The following NELFCD variants were observed in gnomAD, a reference collection of about 807,000 sequenced individuals.
The protein encoded by NELFCD is negative elongation factor C/D.
Under a neutral mutation model 72.9 loss-of-function variants are expected in NELFCD, and 48 were observed. The ratio of observed to expected loss-of-function variants is 0.66; its 90% CI spans 0.52 to 0.84. The LOEUF is 0.84. Ranked by LOEUF, NELFCD falls within the 40% of genes least tolerant of loss-of-function variation. NELFCD has a pLI of 0.00. For synonymous variants in NELFCD, 297 were observed against 280.6 expected (o/e 1.06, Z -0.59); for missense variants, 538 against 723.8 (o/e 0.74, Z 2.94).
rs756235497 is a variant in NELFCD at position 58,994,608 on chromosome 20, G to T, written c.1712-34G>T. ...AAGAAAATGTCATGTTCTACTTCCT[G>T]TTTCTAACACAGTCACTGTTTTCCT... On this transcript the variant is annotated intron_variant, in intron 14 of 14. Transcript: ENST00000652272. 2.3e-5 allele frequency: 33 copies of T among 1,453,208 alleles called. 1 individual carries two copies. The South Asian group carries it at 3.5e-4, about 15-fold the overall frequency. The allele number at this position is 1,453,208 out of a possible 1,614,324, so 90.0% of individuals were successfully genotyped here. A position where few individuals can be genotyped will look rare whatever the true frequency, so the allele number is the denominator to read the frequency against.
At position 58,989,720 on chromosome 20, in the gene NELFCD, C is replaced by G. The variant is rs749104695; in HGVS notation, c.657+80C>G. The G allele has an allele frequency of 2.5e-6, 4 of 1,604,166 alleles. No individual in the cohort carries two copies. The South Asian group carries it at 4.4e-5, about 18-fold the overall frequency. On this transcript the variant is annotated intron_variant, in intron 6 of 14. Coordinates refer to ENST00000652272, the MANE Select transcript of NELFCD (RefSeq NM_198976.4). ...TTTTCAAGCATGAGATGCTCCTTCC[C>G]TGGAGAGAATCTCCATTTCTGAGGG...
At position 58,981,270 on chromosome 20, in the gene NELFCD, C is replaced by G; in HGVS notation, c.-40C>G. The G allele has an allele frequency of 9.5e-7, 1 of 1,051,700 alleles. No homozygotes were observed. The highest frequency in any genetic ancestry group is 7.3e-5 in the East Asian group (1 of 13,720). 65.1% of individuals were successfully genotyped at this position (1,051,700 alleles called of 1,614,324 possible). ...CCGCCTCGCGCATGCGCCGCGCTCG[C>G]TCGCGGGAGGGCATGGCGGGGGCCG... On this transcript the variant is annotated 5_prime_UTR_variant, in exon 1 of 15. Transcript: ENST00000652272.
chr20:58,991,316 G>A lies in NELFCD; in HGVS notation c.959G>A (p.Arg320His), dbSNP rs775433597. ...TGGGCATATGCTTCTCCTCAGATCC[G>A]CGTTCCAGCCTTCCTGGACCTGTTC... ...SMDPPPVELIRVPAFLDLFMQ... is the reference protein window; with the variant it reads ...SMDPPPVELIHVPAFLDLFMQ... Residue 320 changes from arginine to histidine, a missense_variant, in exon 9 of 15, where the codon CGC (arginine) becomes CAC (histidine). Physicochemically the swap from Arg to His is conservative, Grantham distance 29. Transcript: ENST00000652272. 2.2e-5 allele frequency: 36 copies of A among 1,614,048 alleles called. No individual in the cohort carries two copies. The Admixed American group carries it at 3.2e-4, about 14-fold the overall frequency.
chr20:58,981,365 G>A lies in NELFCD; in HGVS notation c.56G>A (p.Gly19Asp). ...GAGTGGGGCGACGAGGCTGACGGCG[G>A]CCAGGTGAGGCGGGGCACTGGGCGC... ...AAEWGDEADG[G>D]QQEDDSGEGE... Residue 19 changes from glycine to aspartate, a missense_variant, in exon 1 of 15, where the codon GGC becomes GAC. Coordinates refer to ENST00000652272, the MANE Select transcript of NELFCD (RefSeq NM_198976.4). 1 of 1,102,858 alleles carries A rather than the reference G, an allele frequency of 9.1e-7. No homozygotes were observed. Among genetic ancestry groups the A allele is most frequent in the Non-Finnish European group, 1.1e-6 (1 of 901,340 alleles). 68.3% of individuals were successfully genotyped at this position (1,102,858 alleles called of 1,614,324 possible). A position where few individuals can be genotyped will look rare whatever the true frequency, so the allele number is the denominator to read the frequency against.
intron 5 of NELFCD, 196 bp from the exon 6 acceptor site, chr20:58,989,292 C>T: frequency 3.0e-6 from 2 of 670,838 alleles, no homozygotes; most frequent in Non-Finnish European, 5.1e-6. Context: ...CTTCCTCTTG[C>T]ATATGAAGAA....
rs371549496 is a variant in NELFCD, at chr20:58,992,848, C to CAAA, written c.1230-134_1230-132dup. On this transcript the variant is annotated intron_variant, in intron 10 of 14. Transcript: ENST00000652272. ...TGGAAGACAGAGTGAGACCCTGTCTCAAAAAAAAAAAAAAAAAAGGGTTGG... is the reference window on the plus strand; with the variant it reads ...TGGAAGACAGAGTGAGACCCTGTCTCAAAAAAAAAAAAAAAAAAAAAGGGTTGG... 2.5e-3 allele frequency: 1,057 copies of CAAA among 417,578 alleles called. 10 individuals are homozygous for CAAA. The highest frequency in any genetic ancestry group is 0.024 in the African/African-American group (786 of 33,064). The allele number at this position is 417,578 out of a possible 1,614,324, so 25.9% of individuals were successfully genotyped here. A position where few individuals can be genotyped will look rare whatever the true frequency, so the allele number is the denominator to read the frequency against.
At chr20:58,989,423 G>A in intron 5 of NELFCD, 65 bp from the exon 6 acceptor site, 1 of 1,586,094 alleles carries the variant, frequency 6.3e-7, no homozygotes, top group Non-Finnish European at 8.6e-7. Context: ...ACACTGACAA[G>A]CCAGCTTCCC....
chr20:58,991,677 A>G, intron 9 of NELFCD: 2 of 745,178 alleles, frequency 2.7e-6, no homozygotes, highest in South Asian at 3.8e-5. Context: ...AATGAAACTG[A>G]TTTCCGTAAG....
Position 58,994,858 on chromosome 20 carries a change from C to T in NELFCD, c.*182C>T, listed in dbSNP as rs532567828. 460 of 613,946 alleles carry T rather than the reference C, an allele frequency of 7.5e-4. 2 individuals are homozygous for T. Among genetic ancestry groups the T allele is most frequent in the African/African-American group, 7.4e-3 (400 of 53,750 alleles). The allele number at this position is 613,946 out of a possible 1,614,324, so 38.0% of individuals were successfully genotyped here. ...TTCAGTGAGAAACTGCCCTTACAAA[C>T]AGTCCCTTCTCTGCTGTCAATCCAA... On this transcript the variant is annotated 3_prime_UTR_variant, in exon 15 of 15. Coordinates refer to ENST00000652272, the MANE Select transcript of NELFCD (RefSeq NM_198976.4).
chr20:58,988,383 G>T (rs2146351635), intron 4 of NELFCD, among the ~76,000 whole-genome samples: 1 of 152,350 alleles, frequency 6.6e-6, no homozygotes, highest in East Asian at 1.9e-4. Context: ...TCCTGGACAG[G>T]CCTGCTTTTG....
In NELFCD at chr20:58,986,384, C is replaced by CT. The variant is rs1481619850; in HGVS notation, c.176+178dup. ...TTTTTAAATTTTTTTAAGACAGAGT[C>CT]TTGCTCTGTTGCAGTGGCACAATCA... On this transcript the variant is annotated intron_variant, in intron 2 of 14. Transcript: ENST00000652272. The surrounding 1 kb of genome is among the most constrained non-coding windows in gnomAD (Gnocchi z 4.4). The CT allele has an allele frequency of 1.7e-6, 1 of 579,280 alleles. No homozygotes were observed. The highest frequency in any genetic ancestry group is 3.0e-6 in the Non-Finnish European group (1 of 330,116). 35.9% of individuals were successfully genotyped at this position (579,280 alleles called of 1,614,324 possible).
intron 13 of NELFCD, 48 bp from the exon 14 acceptor site, chr20:58,994,062 G>T: frequency 6.3e-7 from 1 of 1,593,932 alleles, no homozygotes; most frequent in South Asian, 1.1e-5. Context: ...GTCGGTGGAT[G>T]CCCCGCACTA....
chr20:58,994,562 CA>C (rs374709307), intron 14 of NELFCD, 79 bp from the exon 15 acceptor site: 178,557 of 803,960 alleles, frequency 0.22, 129 homozygotes, highest in Middle Eastern at 0.28. Context: ...AACTGCATCT[CA>C]AAAAAAAAAA....
At chr20:58,992,720 C>G (rs1470771081) in intron 10 of NELFCD, among the ~76,000 whole-genome samples, 3 of 151,904 alleles carry the variant, frequency 2.0e-5, no homozygotes, top group Admixed American at 6.6e-5. Flanking sequence ...ACATGGTGGA[C>G]CCTCTCTCTA....
At chr20:58,992,309 CA>C (rs768457069) in intron 10 of NELFCD, among the ~76,000 whole-genome samples, 3 of 152,080 alleles carry the variant, frequency 2.0e-5, no homozygotes, top group Non-Finnish European at 4.4e-5. Context: ...GTTATGCCCA[CA>C]AAGTATTGCT....
intron 4 of NELFCD, among the ~76,000 whole-genome samples, chr20:58,988,356 T>C (rs999423411): frequency 6.6e-6 from 1 of 152,224 alleles, no homozygotes; most frequent in Non-Finnish European, 1.5e-5. Context: ...CAGGTGCCCA[T>C]TCTGGGAGCC....
chr20:58,984,267 G>A (rs1450438747), intron 1 of NELFCD, among the ~76,000 whole-genome samples: 1 of 152,160 alleles, frequency 6.6e-6, no homozygotes, highest in Non-Finnish European at 1.5e-5. Context: ...TCTTGCTAGA[G>A]CTGGGGCGTT....
rs560735266 is a variant in NELFCD, at chr20:58,986,403, A to T, written c.176+195A>T. The T allele has an allele frequency of 3.9e-4, 219 of 568,764 alleles. 3 individuals are homozygous for T. In the South Asian group the frequency reaches 4.9e-3, roughly 13 times the overall value. The allele number at this position is 568,764 out of a possible 1,614,324, so 35.2% of individuals were successfully genotyped here. On this transcript the variant is annotated intron_variant, in intron 2 of 14. Transcript: ENST00000652272. The surrounding 1 kb of genome is among the most constrained non-coding windows in gnomAD (Gnocchi z 4.4). ...CAGAGTCTTGCTCTGTTGCAGTGGC[A>T]CAATCACCGCTCACTGCAGCTTCAG...
intron 3 of NELFCD, chr20:58,987,122 T>C (rs1364128508): frequency 2.0e-5 from 9 of 452,108 alleles, no homozygotes; most frequent in Non-Finnish European, 3.5e-5. Flanking sequence ...TTCCCTACCA[T>C]GTTGTAGAAT....
Sources: allele counts gnomAD v4.1 joint callset (sites outside exome capture counted in the v4.1 genomes callset), GRCh38; gene constraint gnomAD v4.1.1; non-coding constraint Gnocchi (gnomAD v3.1); transcripts MANE v1.5; gene names NCBI Gene and HGNC (gene_info 2026-07-23, HGNC 2026-07-21).